The following ABCA13 variants were observed in gnomAD, a reference collection of about 807,000 sequenced individuals.
The protein encoded by ABCA13 is ATP-binding cassette sub-family A member 13.
ABCA13 carries 476 observed loss-of-function variants against 478.7 expected under a neutral mutation model. The observed-to-expected ratio is 0.99, with a 90% CI of 0.92 to 1.07. The LOEUF (loss-of-function observed/expected upper bound fraction) is 1.07, where lower values mean the gene tolerates loss of function less well. ABCA13 is among the 50% of genes least tolerant of loss of function. ABCA13 has a pLI of 0.00. For missense variants in ABCA13, 6,060 were observed against 5,910.6 expected (o/e 1.03, Z -0.83); for synonymous variants, 2,252 against 2,158.9 (o/e 1.04, Z -1.20).
intron 57 of ABCA13, among the ~76,000 whole-genome samples, chr7:48,592,134 G>A (rs1293668978): frequency 6.6e-6 from 1 of 151,426 alleles, no homozygotes; most frequent in African/African-American, 2.4e-5. Context: ...GCTAACTTTG[G>A]GATTAGTTCA....
At chr7:48,220,371 T>C (rs941115098) in intron 4 of ABCA13, among the ~76,000 whole-genome samples, 1 of 152,228 alleles carries the variant, frequency 6.6e-6, no homozygotes, top group Admixed American at 6.5e-5. Flanking sequence ...AAATAATTTA[T>C]TTCTAATCTG....
In ABCA13 at chr7:48,367,883, A is replaced by G; in HGVS notation, c.10778A>G (p.Tyr3593Cys). The G allele has an allele frequency of 6.3e-7, 1 of 1,578,288 alleles. No individual in the cohort carries two copies. Among genetic ancestry groups the G allele is most frequent in the Middle Eastern group, 1.7e-4 (1 of 6,014 alleles). ...GCCAGCATGGTCAGAAAGTTGGTGT[A>G]TGAGCAGGAGATACAGATAGAAGAG... Reference protein sequence around the residue: ...SVASMVRKLVYEQEIQIEEYM... With the variant: ...SVASMVRKLVCEQEIQIEEYM... The change falls in exon 32 of 62, where the codon TAT becomes TGT. Residue 3593 changes from tyrosine to cysteine, a missense_variant. This residue lies in a region of ABCA13 where 4,423 missense variants were observed against 4,309.1 expected (regional missense o/e 1.03). Coordinates refer to ENST00000435803, the MANE Select transcript of ABCA13 (RefSeq NM_152701.5).
intron 57 of ABCA13, among the ~76,000 whole-genome samples, chr7:48,589,971 T>C (rs1474942065): frequency 4.6e-5 from 7 of 152,178 alleles, no homozygotes; most frequent in Non-Finnish European, 1.0e-4. Flanking sequence ...ACATGAATTC[T>C]GTAGGGGACA....
intron 55 of ABCA13, among the ~76,000 whole-genome samples, chr7:48,542,592 A>G (rs1023890393): frequency 1.3e-5 from 2 of 151,792 alleles, no homozygotes; most frequent in African/African-American, 4.8e-5. Context: ...CAATAGAAAA[A>G]AACACATGCA....
At chr7:48,382,764 T>A (rs1814591455) in intron 35 of ABCA13, among the ~76,000 whole-genome samples, 1 of 83,358 alleles carries the variant, frequency 1.2e-5, no homozygotes, top group Non-Finnish European at 2.3e-5. Flanking sequence ...TCTCAATGAT[T>A]TTTTTTTTTT....
chr7:48,499,759 G>A (rs1251694018), intron 48 of ABCA13, among the ~76,000 whole-genome samples: 3 of 152,138 alleles, frequency 2.0e-5, no homozygotes, highest in Non-Finnish European at 4.4e-5. Flanking sequence ...AAAGACTTCA[G>A]TGAGATTCTT....
chr7:48,626,644 C>A, intron 59 of ABCA13: 1 of 985,444 alleles, frequency 1.0e-6, no homozygotes, highest in African/African-American at 1.7e-5. Flanking sequence ...TGACCAAGCA[C>A]ATGGAGAAGG....
intron 23 of ABCA13, among the ~76,000 whole-genome samples, chr7:48,304,740 CAAACCTGCATGTACTCCGT>C (rs1356399071): frequency 2.2e-4 from 34 of 152,246 alleles, no homozygotes; most frequent in African/African-American, 7.2e-4. Context: ...ACCCAGGCAA[CAAACCTGCATGTACTCCGT>C]AAACCTAAAA....
chr7:48,409,844 C>T (rs1254857802), intron 39 of ABCA13, among the ~76,000 whole-genome samples: 1 of 151,426 alleles, frequency 6.6e-6, no homozygotes, highest in East Asian at 1.9e-4. Flanking sequence ...CTTTGGGTGG[C>T]CGAGGTGGGT....
At chr7:48,637,308 A>G (rs986767152) in intron 59 of ABCA13, among the ~76,000 whole-genome samples, 2 of 148,562 alleles carry the variant, frequency 1.3e-5, no homozygotes, top group African/African-American at 5.0e-5. Context: ...CTCTATGGGC[A>G]GCACTCATCA....
At chr7:48,290,939 G>GAAAAAAAAAAA (rs754416012) in intron 20 of ABCA13, among the ~76,000 whole-genome samples, 1 of 79,602 alleles carries the variant, frequency 1.3e-5, no homozygotes, top group Admixed American at 1.5e-4. Flanking sequence ...TCACACTCAG[G>GAAAAAAAAAAA]GAAAAAAAAA....
intron 43 of ABCA13, among the ~76,000 whole-genome samples, chr7:48,463,776 C>CGGAATGGAATGGAAT (rs199992643): frequency 3.8e-5 from 4 of 106,412 alleles, no homozygotes; most frequent in East Asian, 5.7e-4. Context: ...GGGAAAAGAA[C>CGGAATGGAATGGAAT]GGAATGGAAT....
intron 7 of ABCA13, among the ~76,000 whole-genome samples, chr7:48,231,772 C>G (rs981944617): frequency 9.2e-5 from 14 of 152,142 alleles, no homozygotes; most frequent in Admixed American, 2.6e-4. Context: ...AGCAATTCTC[C>G]TGCCTCAGCC....
At chr7:48,353,676 T>C (rs1809419942) in intron 31 of ABCA13, among the ~76,000 whole-genome samples, 1 of 151,668 alleles carries the variant, frequency 6.6e-6, no homozygotes, top group Non-Finnish European at 1.5e-5. Context: ...ATAGGCTGCA[T>C]ACATAATAGC....
chr7:48,584,936 T>A (rs1301142584), intron 56 of ABCA13, among the ~76,000 whole-genome samples: 1 of 152,190 alleles, frequency 6.6e-6, no homozygotes, highest in Non-Finnish European at 1.5e-5. Context: ...GGGTCTATCA[T>A]GCTCTTAGTT....
At chr7:48,408,442 G>T (rs1818558181) in intron 39 of ABCA13, among the ~76,000 whole-genome samples, 1 of 152,170 alleles carries the variant, frequency 6.6e-6, no homozygotes, top group Non-Finnish European at 1.5e-5. Flanking sequence ...TAGCCTCAAA[G>T]GTCTAACATG....
rs116797813 is a variant in ABCA13, at chr7:48,529,382, C to A, written c.14354+1037C>A. Among the ~76,000 whole-genome samples, 945 of 152,228 alleles carry A rather than the reference C, an allele frequency of 6.2e-3. 10 individuals are homozygous for A. The highest frequency in any genetic ancestry group is 0.022 in the African/African-American group (900 of 41,528). The stretch of plus-strand genomic sequence containing the variant: ...ATGTCCTCGTATCCCATTCTTTTTT[C>A]AGCACTGTGTTACAAGGCCCCAGGC... On this transcript the variant is annotated intron_variant, in intron 55 of 61. Coordinates refer to ENST00000435803, the MANE Select transcript of ABCA13 (RefSeq NM_152701.5).
intron 19 of ABCA13, among the ~76,000 whole-genome samples, chr7:48,283,340 A>G (rs1797303033): frequency 6.6e-6 from 1 of 152,144 alleles, no homozygotes; most frequent in Non-Finnish European, 1.5e-5. Flanking sequence ...AACAAAAAAG[A>G]TAAATTTTTC....
rs1382863068 is a variant in ABCA13 at position 48,274,924 on chromosome 7, C to A, written c.5258C>A (p.Ala1753Asp). The change falls in exon 17 of 62, where the codon GCT becomes GAT. Residue 1753 changes from alanine (A) to aspartate (D), a missense_variant. Around this residue, in one of 3 missense-constraint regions of ABCA13, gnomAD observed 4,423 missense variants for 4,309.1 expected, o/e 1.03. Coordinates refer to ENST00000435803, the MANE Select transcript of ABCA13 (RefSeq NM_152701.5). Reference sequence around the variant, plus strand: ...GATGTGTACTATGTGCTTCCTCATGCTGTAAGGCTCCTGCAGGGAGTACCT... The same window carrying A: ...GATGTGTACTATGTGCTTCCTCATGATGTAAGGCTCCTGCAGGGAGTACCT... ...VIDVYYVLPH[A>D]VRLLQGVPGK... 2 of 1,613,752 alleles carry A rather than the reference C, an allele frequency of 1.2e-6. No homozygotes were observed. The highest frequency in any genetic ancestry group is 2.2e-5 in the South Asian group (2 of 91,092).
Sources: allele counts gnomAD v4.1 joint callset (sites outside exome capture counted in the v4.1 genomes callset), GRCh38; gene constraint gnomAD v4.1.1; regional missense constraint gnomAD v4.1.1; transcripts MANE v1.5; gene names NCBI Gene and HGNC (gene_info 2026-07-23, HGNC 2026-07-21).